Variants in EIF2AK2 observed in about 807,000 individuals in gnomAD.
EIF2AK2 encodes the protein interferon-induced, double-stranded RNA-activated protein kinase.
EIF2AK2 carries 40 observed loss-of-function variants against 70.5 expected under a neutral mutation model. That is an observed-to-expected ratio of 0.57 (90% CI 0.44 to 0.74). EIF2AK2 has a LOEUF of 0.74. Among genes scored for constraint, EIF2AK2 ranks in the 30% least tolerant of loss-of-function variants. EIF2AK2 has a pLI of 0.00. For missense variants in EIF2AK2, 555 were observed against 644.3 expected (o/e 0.86, Z 1.50); for synonymous variants, 198 against 220.9 (o/e 0.90, Z 0.92).
intron 10 of EIF2AK2, among the ~76,000 whole-genome samples, chr2:37,126,622 A>G (rs995789936): frequency 2.0e-4 from 31 of 152,064 alleles, no homozygotes; most frequent in African/African-American, 6.8e-4. Context: ...CTAACGTAAC[A>G]TATCACCCCA....
chr2:37,148,790 A>G, intron 2 of EIF2AK2, 67 bp downstream of exon 2: 1 of 820,578 alleles, frequency 1.2e-6, no homozygotes, highest in Admixed American at 1.7e-5. Context: ...AGCCCCCCAG[A>G]ATTTGCATGT....
chr2:37,113,356 A>G (rs1674223286), intron 14 of EIF2AK2, among the ~76,000 whole-genome samples: 1 of 151,984 alleles, frequency 6.6e-6, no homozygotes, highest in Non-Finnish European at 1.5e-5. Context: ...TTAGCTGGGC[A>G]TGGTGGTGGG....
intron 10 of EIF2AK2, among the ~76,000 whole-genome samples, chr2:37,133,478 T>C (rs1675019214): frequency 1.3e-5 from 2 of 151,418 alleles, no homozygotes; most frequent in South Asian, 2.1e-4. Context: ...TACCCCCAAT[T>C]CCCCCCTCAC....
At chr2:37,132,452 G>A (rs920579458) in intron 10 of EIF2AK2, among the ~76,000 whole-genome samples, 6 of 152,170 alleles carry the variant, frequency 3.9e-5, no homozygotes, top group African/African-American at 1.2e-4. Context: ...AGCCAGCCAT[G>A]GTGGTGCGTG....
At chr2:37,154,603 C>A (rs1164551181) in intron 1 of EIF2AK2, among the ~76,000 whole-genome samples, 1 of 152,088 alleles carries the variant, frequency 6.6e-6, no homozygotes, top group African/African-American at 2.4e-5. Flanking sequence ...TCTTGTTGCC[C>A]AGGCTGGAGT....
At chr2:37,154,466 T>C (rs1573047233) in intron 1 of EIF2AK2, among the ~76,000 whole-genome samples, 1 of 152,210 alleles carries the variant, frequency 6.6e-6, no homozygotes, top group African/African-American at 2.4e-5. Context: ...TCTTAGTCCT[T>C]CTCTACTTGA....
At chr2:37,134,456 C>T (rs558736495) in intron 10 of EIF2AK2, among the ~76,000 whole-genome samples, 27 of 152,348 alleles carry the variant, frequency 1.8e-4, no homozygotes, top group Admixed American at 1.4e-3. Context: ...TCACCTGAAA[C>T]GAATGGAGCA....
intron 7 of EIF2AK2, 46 bp from the exon 8 acceptor site, chr2:37,138,409 T>A: frequency 6.3e-7 from 1 of 1,599,272 alleles, no homozygotes; most frequent in Non-Finnish European, 8.5e-7. Flanking sequence ...TCTGTTTTTA[T>A]CACTTATTTC....
At chr2:37,132,179 C>T (rs1037696921) in intron 10 of EIF2AK2, among the ~76,000 whole-genome samples, 1 of 152,096 alleles carries the variant, frequency 6.6e-6, no homozygotes, top group African/African-American at 2.4e-5. Flanking sequence ...TATCTATTTC[C>T]CCTCACACAA....
At chr2:37,121,992 C>T (rs920544192) in intron 12 of EIF2AK2, among the ~76,000 whole-genome samples, 1 of 152,104 alleles carries the variant, frequency 6.6e-6, no homozygotes, top group South Asian at 2.1e-4. Context: ...GAGGGTGCCC[C>T]CATCTCAGCT....
At chr2:37,143,862 G>T (rs1403163639) in intron 4 of EIF2AK2, among the ~76,000 whole-genome samples, 1 of 152,008 alleles carries the variant, frequency 6.6e-6, no homozygotes, top group South Asian at 2.1e-4. Flanking sequence ...TCCAGCCTGG[G>T]TGACAGAGTA....
At chr2:37,149,102 G>C in intron 1 of EIF2AK2, 79 bp from the exon 2 acceptor site, 1 of 891,948 alleles carries the variant, frequency 1.1e-6, no homozygotes, top group Non-Finnish European at 1.9e-6. Flanking sequence ...CGAAGACTAA[G>C]GTCTATGATA....
rs186102456 is a variant in EIF2AK2, at chr2:37,143,806, C to T, written c.241-2105G>A. Among the ~76,000 whole-genome samples, 188 of 152,046 alleles carry T rather than the reference C, an allele frequency of 1.2e-3. 1 individual carries two copies. The highest frequency in any genetic ancestry group is 4.1e-3 in the Admixed American group (63 of 15,284). The stretch of plus-strand genomic sequence containing the variant: ...TGCTAAGGTGGGAGGATCACCTGAG[C>T]CTGGGGAGATTGAGGCTGCAGTGAC... On this transcript the variant is annotated intron_variant, in intron 4 of 16. Coordinates refer to ENST00000233057, the MANE Select transcript of EIF2AK2 (RefSeq NM_001135651.3).
Position 37,103,003 on chromosome 2 carries a change from C to CTTTG in EIF2AK2, c.*4269_*4270insCAAA, listed in dbSNP as rs1673863863. ...TATATTAAAATGGCTCTCAAAATTTCTGTGTGTGTGTGTGTGTGTGTGCAT... is the reference window on the plus strand; with the variant it reads ...TATATTAAAATGGCTCTCAAAATTTCTTTGTGTGTGTGTGTGTGTGTGTGTGCAT... On this transcript the variant is annotated 3_prime_UTR_variant, in exon 17 of 17. Coordinates refer to ENST00000233057, the MANE Select transcript of EIF2AK2 (RefSeq NM_001135651.3). The CTTTG allele has an allele frequency of 6.7e-6, 1 of 149,052 alleles. No individual in the cohort carries two copies. The highest frequency in any genetic ancestry group is 6.7e-5 in the Admixed American group (1 of 14,844). The allele number at this position is 149,052 out of a possible 1,614,324, so 9.2% of individuals were successfully genotyped here. A position where few individuals can be genotyped will look rare whatever the true frequency, so the allele number is the denominator to read the frequency against.
chr2:37,128,228 T>C (rs2148687164), intron 10 of EIF2AK2, among the ~76,000 whole-genome samples: 1 of 152,344 alleles, frequency 6.6e-6, no homozygotes, highest in East Asian at 1.9e-4. Context: ...GCCCCACTGA[T>C]GCAAACAGGT....
Position 37,121,292 on chromosome 2 carries a change from GA to G in EIF2AK2, c.1068-1154del, listed in dbSNP as rs11460614. On this transcript the variant is annotated intron_variant, in intron 12 of 16. Transcript: ENST00000233057. ...AAAAAAAAAAAAAAAAAAACGAGAA[GA>G]AAAAAAAAATGAGCCACCCATTCTT... is the stretch of plus-strand genomic sequence containing the variant. Among the ~76,000 whole-genome samples, 37 of 122,354 alleles carry G rather than the reference GA, an allele frequency of 3.0e-4. No individual in the cohort carries two copies. In the East Asian group the frequency reaches 4.9e-3, roughly 16 times the overall value. 80.3% of individuals were successfully genotyped at this position (122,354 alleles called of 152,430 possible). A position where few individuals can be genotyped will look rare whatever the true frequency, so the allele number is the denominator to read the frequency against.
chr2:37,148,130 C>T (rs986065565), intron 2 of EIF2AK2, among the ~76,000 whole-genome samples: 6 of 152,148 alleles, frequency 3.9e-5, no homozygotes, highest in African/African-American at 1.4e-4. Flanking sequence ...CCAGCCTGGG[C>T]AACATGGCGA....
Position 37,146,951 on chromosome 2 carries a change from C to T in EIF2AK2, c.142G>A (p.Asp48Asn), listed in dbSNP as rs1374847765. The T allele has an allele frequency of 6.2e-7, 1 of 1,611,978 alleles. No homozygotes were observed. The highest frequency in any genetic ancestry group is 1.3e-5 in the African/African-American group (1 of 74,892). Residue 48 changes from aspartate to asparagine, a missense_variant, in exon 4 of 17, where the codon GAT (aspartate) becomes AAT (asparagine). Physicochemically the swap from Asp to Asn is conservative, Grantham distance 23 (BLOSUM62 1). Transcript: ENST00000233057. ...DRRFTFQVII[D>N]GREFPEGEGR... is the part of the protein sequence containing the mutation. ...TCACCTTCTGGAAATTCTCTTCCAT[C>T]TATTATAACTTGAAATGTAAACCTG...
chr2:37,119,372 T>G (rs1674454275), intron 13 of EIF2AK2, among the ~76,000 whole-genome samples: 1 of 152,080 alleles, frequency 6.6e-6, no homozygotes, highest in Non-Finnish European at 1.5e-5. Flanking sequence ...GGGAACCATA[T>G]TCCTAAAGCA....
Sources: allele counts gnomAD v4.1 joint callset (sites outside exome capture counted in the v4.1 genomes callset), GRCh38; gene constraint gnomAD v4.1.1; transcripts MANE v1.5; gene names NCBI Gene and HGNC (gene_info 2026-07-23, HGNC 2026-07-21).